The following LRBA variants were observed in gnomAD, a reference collection of about 807,000 sequenced individuals.
The protein encoded by LRBA is LPS responsive beige-like anchor protein.
In LRBA, 176 loss-of-function variants were observed where a neutral mutation model predicts 330.0. The observed-to-expected ratio is 0.53, with a 90% CI of 0.47 to 0.60. The LOEUF (loss-of-function observed/expected upper bound fraction) is 0.60. LRBA is among the 20% of genes least tolerant of loss of function. The probability of loss-of-function intolerance (pLI) is 0.00; values close to 1 mark genes in which losing one functional copy is unlikely to be tolerated. For missense variants in LRBA, 3,259 were observed against 3,444.8 expected (o/e 0.95, Z 1.35); for synonymous variants, 1,230 against 1,193.0 (o/e 1.03, Z -0.64).
At chr4:150,763,772 A>C (rs1735403105) in intron 34 of LRBA, among the ~76,000 whole-genome samples, 1 of 152,022 alleles carries the variant, frequency 6.6e-6, no homozygotes, top group Non-Finnish European at 1.5e-5. Flanking sequence ...GAACAGTAGA[A>C]CAGGAACAAA....
At chr4:150,488,843 G>A (rs754049476) in intron 41 of LRBA, among the ~76,000 whole-genome samples, 3 of 135,788 alleles carry the variant, frequency 2.2e-5, no homozygotes, top group Non-Finnish European at 3.2e-5. Flanking sequence ...ATAAGTAATC[G>A]ATCATTCACT....
rs1014349709 is a variant in LRBA at position 150,933,644 on chromosome 4, T to C, written c.217-4579A>G. 2.0e-5 allele frequency among the ~76,000 whole-genome samples: 3 copies of C among 152,188 alleles called. No homozygotes were observed. In the South Asian group the frequency reaches 6.2e-4, roughly 31 times the overall value. On this transcript the variant is annotated intron_variant, in intron 2 of 56. Coordinates refer to ENST00000651943, the MANE Select transcript of LRBA (RefSeq NM_001364905.1). ...ATAGAAGGCAAAAAAAAGATTTTAGTACATACACTTTTGAACAATTTGAAT... is the reference window on the plus strand; with the variant it reads ...ATAGAAGGCAAAAAAAAGATTTTAGCACATACACTTTTGAACAATTTGAAT...
chr4:150,750,988 G>A (rs935205035), intron 35 of LRBA, among the ~76,000 whole-genome samples: 2 of 150,824 alleles, frequency 1.3e-5, no homozygotes, highest in South Asian at 2.1e-4. Flanking sequence ...AAGAGGTACT[G>A]TTCAGGTAGG....
At chr4:150,371,635 T>C (rs1366977495) in intron 47 of LRBA, among the ~76,000 whole-genome samples, 10 of 152,062 alleles carry the variant, frequency 6.6e-5, no homozygotes, top group African/African-American at 2.4e-4. Context: ...AACAAGTATG[T>C]CCAAAGGTAC....
At chr4:150,777,268 T>A (rs1737514309) in intron 34 of LRBA, among the ~76,000 whole-genome samples, 2 of 152,088 alleles carry the variant, frequency 1.3e-5, no homozygotes, top group South Asian at 4.1e-4. Flanking sequence ...CTAAATTCAA[T>A]ATTGTAACCT....
chr4:150,757,575 C>CATT (rs1734483404), intron 35 of LRBA, among the ~76,000 whole-genome samples: 1 of 152,006 alleles, frequency 6.6e-6, no homozygotes, highest in African/African-American at 2.4e-5. Flanking sequence ...AAAGGAAAAT[C>CATT]ATTATTATTA....
intron 34 of LRBA, among the ~76,000 whole-genome samples, chr4:150,786,986 CT>C (rs1489031829): frequency 6.6e-6 from 1 of 152,154 alleles, no homozygotes; most frequent in Non-Finnish European, 1.5e-5. Flanking sequence ...AATCCCAGCA[CT>C]TTGGGAGGCA....
intron 37 of LRBA, among the ~76,000 whole-genome samples, chr4:150,613,436 G>C (rs1229647851): frequency 1.3e-5 from 2 of 152,210 alleles, no homozygotes; most frequent in South Asian, 2.1e-4. Flanking sequence ...CTTTCTGAGG[G>C]AACAGCATTA....
At chr4:150,515,250 A>C (rs1401340556) in intron 40 of LRBA, among the ~76,000 whole-genome samples, 1 of 150,512 alleles carries the variant, frequency 6.6e-6, no homozygotes, top group Non-Finnish European at 1.5e-5. Context: ...GTGGTTCAAT[A>C]CCAGGAAATC....
chr4:150,368,492 T>C (rs1381149518), intron 47 of LRBA, among the ~76,000 whole-genome samples: 2 of 152,214 alleles, frequency 1.3e-5, no homozygotes, highest in East Asian at 3.8e-4. Flanking sequence ...AGTTAGAACA[T>C]TACTGAAGCA....
At chr4:150,621,067 G>A (rs1480470539) in intron 37 of LRBA, among the ~76,000 whole-genome samples, 1 of 148,422 alleles carries the variant, frequency 6.7e-6, no homozygotes, top group Non-Finnish European at 1.5e-5. Flanking sequence ...TGGCTCCTTT[G>A]CCTCCAACTT....
At chr4:150,707,781 G>C (rs1351599804) in intron 36 of LRBA, among the ~76,000 whole-genome samples, 1 of 151,532 alleles carries the variant, frequency 6.6e-6, no homozygotes, top group East Asian at 1.9e-4. Context: ...ATTTAAACAA[G>C]GTTATCAAGC....
chr4:150,538,680 C>T (rs1164639161), intron 40 of LRBA, among the ~76,000 whole-genome samples: 1 of 151,922 alleles, frequency 6.6e-6, no homozygotes, highest in Non-Finnish European at 1.5e-5. Context: ...AAACTATCTA[C>T]TGGCCAGGCG....
chr4:150,275,381 T>C (rs934179678), intron 56 of LRBA, among the ~76,000 whole-genome samples: 2 of 152,130 alleles, frequency 1.3e-5, no homozygotes, highest in African/African-American at 2.4e-5. Flanking sequence ...GACAAGGATA[T>C]ACCCTCTCTC....
chr4:150,380,408 G>C (rs948327127), intron 47 of LRBA, among the ~76,000 whole-genome samples: 3 of 151,950 alleles, frequency 2.0e-5, no homozygotes, highest in African/African-American at 7.3e-5. Context: ...TGCCAACTAA[G>C]GCAAGAGATT....
intron 42 of LRBA, among the ~76,000 whole-genome samples, chr4:150,483,160 TA>T (rs1447905578): frequency 6.6e-6 from 1 of 152,102 alleles, no homozygotes; most frequent in Non-Finnish European, 1.5e-5. Flanking sequence ...CATTTTGAGT[TA>T]ATTTATATGT....
chr4:150,996,797 A>C (rs776170403), intron 2 of LRBA, among the ~76,000 whole-genome samples: 8 of 152,148 alleles, frequency 5.3e-5, no homozygotes, highest in Non-Finnish European at 1.2e-4. Flanking sequence ...AAAATCAAAC[A>C]ACCTGAGTCC....
At chr4:150,421,443 A>G (rs367973158) in intron 46 of LRBA, among the ~76,000 whole-genome samples, 12 of 151,468 alleles carry the variant, frequency 7.9e-5, no homozygotes, top group East Asian at 3.9e-4. Flanking sequence ...TATTAAAATA[A>G]TAAAACTCAT....
chr4:150,928,048 T>C (rs917877317), intron 4 of LRBA, among the ~76,000 whole-genome samples: 2 of 152,038 alleles, frequency 1.3e-5, no homozygotes, highest in African/African-American at 4.8e-5. Context: ...GCACCTGGGG[T>C]TCAAAATAAG....
Sources: gnomAD v4.1 joint callset for allele counts (sites outside exome capture counted in the v4.1 genomes callset) on GRCh38, gnomAD v4.1.1 for gene constraint, MANE v1.5 for transcripts, NCBI Gene and HGNC (gene_info 2026-07-23, HGNC 2026-07-21) for gene names.